FNDC3B: variants seen among roughly 807,000 people sequenced by gnomAD.
The protein encoded by FNDC3B is fibronectin type III domain-containing protein 3B.
FNDC3B carries 12 observed loss-of-function variants against 151.5 expected under a neutral mutation model. That is an observed-to-expected ratio of 0.08 (90% CI 0.05 to 0.13). FNDC3B has a LOEUF of 0.13. Among genes scored for constraint, FNDC3B ranks in the 10% least tolerant of loss-of-function variants. The pLI is 1.00. For missense variants in FNDC3B, 1,214 were observed against 1,505.3 expected (o/e 0.81, Z 3.20); for synonymous variants, 528 against 549.0 (o/e 0.96, Z 0.54).
chr3:172,312,454 C>T (rs1428186224), intron 11 of FNDC3B, among the ~76,000 whole-genome samples: 1 of 152,166 alleles, frequency 6.6e-6, no homozygotes, highest in Admixed American at 6.5e-5. Flanking sequence ...CTCGAATGAC[C>T]TGTGAGCATA....
chr3:172,205,305 A>G (rs950301354), intron 3 of FNDC3B, among the ~76,000 whole-genome samples: 1 of 152,210 alleles, frequency 6.6e-6, no homozygotes, highest in Non-Finnish European at 1.5e-5. Flanking sequence ...CAGTTGGGGT[A>G]GGAGAGGGCC....
At chr3:172,212,887 T>C (rs373079689) in intron 3 of FNDC3B, among the ~76,000 whole-genome samples, 63 of 152,332 alleles carry the variant, frequency 4.1e-4, no homozygotes, top group African/African-American at 1.4e-3. Flanking sequence ...TTGTATCAGT[T>C]ACCGTTTTGA....
intron 10 of FNDC3B, among the ~76,000 whole-genome samples, chr3:172,308,017 T>G (rs1731280927): frequency 6.6e-6 from 1 of 152,216 alleles, no homozygotes; most frequent in Non-Finnish European, 1.5e-5. Flanking sequence ...CAAAAAGTTT[T>G]TATCAAGAAA....
intron 25 of FNDC3B, among the ~76,000 whole-genome samples, chr3:172,387,377 C>T (rs575541468): frequency 2.0e-4 from 30 of 152,272 alleles, no homozygotes; most frequent in Non-Finnish European, 3.5e-4. Context: ...GGATTATAGG[C>T]GTGAGCCACC....
At chr3:172,395,693 G>A (rs1364724880) in intron 25 of FNDC3B, among the ~76,000 whole-genome samples, 1 of 152,150 alleles carries the variant, frequency 6.6e-6, no homozygotes, top group African/African-American at 2.4e-5. Context: ...TCTGGCTAAG[G>A]ACTTAGATCC....
chr3:172,161,046 A>T lies in FNDC3B; in HGVS notation c.187+27500A>T, dbSNP rs561081351. ...TTACTTTTAGAAAGTTTGTTTTTTA[A>T]TCTTATTTTTGTCAGTGACTATTCT... On this transcript the variant is annotated intron_variant, in intron 3 of 25. Coordinates refer to ENST00000415807, the MANE Select transcript of FNDC3B (RefSeq NM_022763.4). 3.3e-5 allele frequency among the ~76,000 whole-genome samples: 5 copies of T among 152,288 alleles called. No homozygotes were observed. In the South Asian group the frequency reaches 1.0e-3, roughly 32 times the overall value.
intron 11 of FNDC3B, among the ~76,000 whole-genome samples, chr3:172,312,318 T>C (rs753982039): frequency 1.3e-5 from 2 of 152,196 alleles, no homozygotes; most frequent in African/African-American, 2.4e-5. Context: ...GTTGGTAAAA[T>C]CTCAGCCTTA....
At chr3:172,168,163 T>C (rs1007230673) in intron 3 of FNDC3B, among the ~76,000 whole-genome samples, 1 of 152,230 alleles carries the variant, frequency 6.6e-6, no homozygotes, top group Admixed American at 6.5e-5. Context: ...ACTTTTCAAA[T>C]TGTTATATTT....
At chr3:172,349,275 G>A (rs933595825) in intron 21 of FNDC3B, among the ~76,000 whole-genome samples, 7 of 152,130 alleles carry the variant, frequency 4.6e-5, no homozygotes, top group East Asian at 1.9e-4. Flanking sequence ...GTGAGAGCCT[G>A]TCTCAAAAAA....
chr3:172,140,590 C>T (rs917167828), intron 3 of FNDC3B, among the ~76,000 whole-genome samples: 1 of 152,214 alleles, frequency 6.6e-6, no homozygotes, highest in African/African-American at 2.4e-5. Context: ...AGTTTACCAG[C>T]AGGTGGTTTC....
At chr3:172,163,888 A>G (rs1722894078) in intron 3 of FNDC3B, among the ~76,000 whole-genome samples, 1 of 152,242 alleles carries the variant, frequency 6.6e-6, no homozygotes. Context: ...TTTCTCCCAC[A>G]GCATTACCAG....
rs754053765 is a variant in FNDC3B, at chr3:172,335,015, G to A, written c.1713G>A (p.Arg571=). ...TTGTTTGTACGACGAGTCCTGACAG[G>A]CCTGGACCTCCTACCAGACCGCTTG... ...EVLVCTTSPD[R]PGPPTRPLVK... The change falls in exon 15 of 26, where the codon AGG becomes AGA. Residue 571 remains arginine, a synonymous_variant. Coordinates refer to ENST00000415807, the MANE Select transcript of FNDC3B (RefSeq NM_022763.4). The A allele has an allele frequency of 1.5e-5, 24 of 1,613,664 alleles. No individual in the cohort carries two copies. The Admixed American group carries it at 4.0e-4, about 27-fold the overall frequency.
At chr3:172,268,702 A>AT (rs1729040769) in intron 6 of FNDC3B, among the ~76,000 whole-genome samples, 1 of 152,224 alleles carries the variant, frequency 6.6e-6, no homozygotes. Flanking sequence ...CTGAGGGGAG[A>AT]TCACATTATG....
chr3:172,132,414 G>C (rs549384846), intron 2 of FNDC3B, among the ~76,000 whole-genome samples: 1 of 152,018 alleles, frequency 6.6e-6, no homozygotes, highest in Non-Finnish European at 1.5e-5. Flanking sequence ...TGGTGGTGGT[G>C]GTTGTTTTTG....
At chr3:172,203,773 A>G (rs1056210025) in intron 3 of FNDC3B, among the ~76,000 whole-genome samples, 1 of 152,206 alleles carries the variant, frequency 6.6e-6, no homozygotes, top group African/African-American at 2.4e-5. Flanking sequence ...AAAGCCATTC[A>G]GGCACCCCTT....
At chr3:172,226,578 C>T (rs1276140067) in intron 3 of FNDC3B, among the ~76,000 whole-genome samples, 1 of 152,154 alleles carries the variant, frequency 6.6e-6, no homozygotes, top group Admixed American at 6.5e-5. Flanking sequence ...TGTTACACTA[C>T]TACTAACTGA....
At chr3:172,067,785 T>C (rs1439791334) in intron 1 of FNDC3B, among the ~76,000 whole-genome samples, 1 of 152,210 alleles carries the variant, frequency 6.6e-6, no homozygotes, top group Non-Finnish European at 1.5e-5. Flanking sequence ...CAGAACAGGC[T>C]CTTTTGTAGA....
chr3:172,347,887 A>G (rs1298800583), intron 21 of FNDC3B, among the ~76,000 whole-genome samples: 2 of 152,242 alleles, frequency 1.3e-5, no homozygotes, highest in Non-Finnish European at 2.9e-5. Flanking sequence ...TTGGGAGTCC[A>G]GATAGAATAA....
intron 4 of FNDC3B, among the ~76,000 whole-genome samples, chr3:172,236,571 C>T (rs1322210719): frequency 6.6e-6 from 1 of 152,110 alleles, no homozygotes; most frequent in Non-Finnish European, 1.5e-5. Flanking sequence ...GCATCAGTCC[C>T]CAGTGCTGTG....
Sources: gnomAD v4.1 joint callset for allele counts (sites outside exome capture counted in the v4.1 genomes callset) on GRCh38, gnomAD v4.1.1 for gene constraint, MANE v1.5 for transcripts, NCBI Gene and HGNC (gene_info 2026-07-23, HGNC 2026-07-21) for gene names.